The following PAPPA variants were observed in gnomAD, a reference collection of about 807,000 sequenced individuals.
The protein encoded by PAPPA is pappalysin 1.
In PAPPA, 60 loss-of-function variants were observed where a neutral mutation model predicts 164.0. The observed-to-expected ratio is 0.37, with a 90% CI of 0.30 to 0.45. PAPPA has a LOEUF of 0.45. Among genes scored for constraint, PAPPA ranks in the 20% least tolerant of loss-of-function variants. The pLI is 1.00. For missense variants in PAPPA, 1,782 were observed against 2,087.3 expected (o/e 0.85, Z 2.85); for synonymous variants, 875 against 814.1 (o/e 1.07, Z -1.27).
rs1846987613 is a variant in PAPPA, at chr9:116,397,912, C to T, written c.*1296C>T. ...GCTGTTGCTCTGAGGAGATATAATT[C>T]TGGGAGAAAGAATCTTTTATAAGAA... is the stretch of plus-strand genomic sequence containing the variant. On this transcript the variant is annotated 3_prime_UTR_variant, in exon 22 of 22. Transcript: ENST00000328252. 2 of 152,592 alleles carry T rather than the reference C, an allele frequency of 1.3e-5. No individual in the cohort carries two copies. Among genetic ancestry groups the T allele is most frequent in the South Asian group, 4.1e-4 (2 of 4,830 alleles). 9.5% of individuals were successfully genotyped at this position (152,592 alleles called of 1,614,324 possible).
chr9:116,274,948 C>T (rs1367165151), intron 9 of PAPPA, among the ~76,000 whole-genome samples: 1 of 152,136 alleles, frequency 6.6e-6, no homozygotes, highest in Non-Finnish European at 1.5e-5. Context: ...GGAGTAGCCA[C>T]ATCCATACCA....
chr9:116,383,253 C>T (rs1378017492), intron 21 of PAPPA, among the ~76,000 whole-genome samples: 5 of 152,110 alleles, frequency 3.3e-5, no homozygotes, highest in African/African-American at 9.7e-5. Flanking sequence ...AGGTGGTAAC[C>T]CTGCTAGCCT....
At chr9:116,334,797 G>A (rs1343163735) in intron 12 of PAPPA, 64 bp from the exon 13 acceptor site, 1 of 1,252,998 alleles carries the variant, frequency 8.0e-7, no homozygotes, top group Non-Finnish European at 1.2e-6. Context: ...GGGCCCGTTG[G>A]GGAGGGCGTG....
At chr9:116,388,832 G>C (rs1180589755) in intron 21 of PAPPA, among the ~76,000 whole-genome samples, 1 of 152,178 alleles carries the variant, frequency 6.6e-6, no homozygotes. Flanking sequence ...ATGCAACTAT[G>C]TGTAGGGCTG....
chr9:116,356,874 T>C (rs548802196), intron 17 of PAPPA, among the ~76,000 whole-genome samples: 3 of 152,322 alleles, frequency 2.0e-5, no homozygotes, highest in African/African-American at 4.8e-5. Flanking sequence ...GACAGTTTGA[T>C]AGGTGCAGCA....
At chr9:116,379,795 T>TAGGGGTGGCATTTTGG (rs1846703834) in intron 20 of PAPPA, among the ~76,000 whole-genome samples, 1 of 152,144 alleles carries the variant, frequency 6.6e-6, no homozygotes, top group African/African-American at 2.4e-5. Context: ...CTGAGGCTAT[T>TAGGGGTGGCATTTTGG]AGGGGTGGCA....
At chr9:116,179,826 G>C (rs1444922390) in intron 1 of PAPPA, among the ~76,000 whole-genome samples, 1 of 152,142 alleles carries the variant, frequency 6.6e-6, no homozygotes, top group Non-Finnish European at 1.5e-5. Context: ...TTCCTCTGTG[G>C]CTTTGATACT....
In PAPPA at chr9:116,362,697, A is replaced by G. The variant is rs746914214; in HGVS notation, c.4453A>G (p.Asn1485Asp). Reference sequence around the variant, plus strand: ...CCAGTGCTCGGTTCCAAACGAGCTCAACAGCAACCTCAAACTGCAGTGCCC... The same window carrying G: ...CCAGTGCTCGGTTCCAAACGAGCTCGACAGCAACCTCAAACTGCAGTGCCC... ...QGQCSVPNELNSNLKLQCPDG... is the reference protein window; with the variant it reads ...QGQCSVPNELDSNLKLQCPDG... Residue 1485 changes from asparagine (N) to aspartate (D), a missense_variant, in exon 18 of 22, where the codon AAC (asparagine) becomes GAC (aspartate). Asn to Asp is a conservative substitution (Grantham distance 23). Around this residue, in one of 2 missense-constraint regions of PAPPA, gnomAD observed 1,324 missense variants for 1,656.9 expected, o/e 0.80. Transcript: ENST00000328252. 1.2e-6 allele frequency: 2 copies of G among 1,614,040 alleles called. No homozygotes were observed. The highest frequency in any genetic ancestry group is 1.3e-5 in the African/African-American group (1 of 75,036).
chr9:116,238,102 T>TC, intron 7 of PAPPA, among the ~76,000 whole-genome samples: 1 of 152,050 alleles, frequency 6.6e-6, no homozygotes, highest in Non-Finnish European at 1.5e-5. Flanking sequence ...ATCTCCACTC[T>TC]CCCCCGAGAT....
At chr9:116,237,204 A>G (rs1844678683) in intron 7 of PAPPA, among the ~76,000 whole-genome samples, 1 of 152,262 alleles carries the variant, frequency 6.6e-6, no homozygotes, top group Non-Finnish European at 1.5e-5. Context: ...TAATGTGCAC[A>G]TCACAGGCAA....
At chr9:116,169,702 C>T (rs957849904) in intron 1 of PAPPA, among the ~76,000 whole-genome samples, 2 of 151,030 alleles carry the variant, frequency 1.3e-5, no homozygotes, top group African/African-American at 4.9e-5. Flanking sequence ...GCAATCTTCA[C>T]CTAGAATATA....
chr9:116,313,822 G>C (rs1248748720), intron 10 of PAPPA, among the ~76,000 whole-genome samples: 2 of 152,062 alleles, frequency 1.3e-5, no homozygotes, highest in Non-Finnish European at 2.9e-5. Context: ...TGGGCATTGG[G>C]TTCCCCTACT....
chr9:116,154,967 G>A lies in PAPPA; in HGVS notation c.415+380G>A, dbSNP rs896220120. On this transcript the variant is annotated intron_variant, in intron 1 of 21. Transcript: ENST00000328252. The surrounding 1 kb of genome is among the most constrained non-coding windows in gnomAD (Gnocchi z 5.2). ...CCCAATTGAGATGCATGTGAAAGGA[G>A]ACTTGGGGACCGTTGATTTCTTTGA... 3.9e-5 allele frequency among the ~76,000 whole-genome samples: 6 copies of A among 152,234 alleles called. No homozygotes were observed. Among genetic ancestry groups the A allele is most frequent in the African/African-American group, 1.4e-4 (6 of 41,476 alleles).
chr9:116,377,560 C>G lies in PAPPA; in HGVS notation c.4606-16C>G. The G allele has an allele frequency of 6.2e-7, 1 of 1,605,624 alleles. No individual in the cohort carries two copies. On this transcript the variant is annotated splice_polypyrimidine_tract_variant and intron_variant, in intron 19 of 21. Coordinates refer to ENST00000328252, the MANE Select transcript of PAPPA (RefSeq NM_002581.5). ...AATCCCAAGCCCATCTGACCTTTCT[C>G]TCCCTCTTCCCACAGAGAGTTGTCT...
At chr9:116,232,215 G>A (rs1215910912) in intron 6 of PAPPA, among the ~76,000 whole-genome samples, 1 of 152,092 alleles carries the variant, frequency 6.6e-6, no homozygotes, top group African/African-American at 2.4e-5. Context: ...CTCAGCATTT[G>A]TTGCTCTACA....
At chr9:116,172,563 A>T (rs1234351166) in intron 1 of PAPPA, among the ~76,000 whole-genome samples, 1 of 152,214 alleles carries the variant, frequency 6.6e-6, no homozygotes, top group Non-Finnish European at 1.5e-5. Context: ...CCACTGACTT[A>T]CATGGATTCT....
chr9:116,315,331 A>G (rs181230241), intron 10 of PAPPA, among the ~76,000 whole-genome samples: 8 of 152,204 alleles, frequency 5.3e-5, no homozygotes, highest in Non-Finnish European at 1.5e-5. Context: ...GTGCCTCCAT[A>G]ATCTATCCTC....
chr9:116,382,626 T>TTTTAA, intron 21 of PAPPA, 133 bp downstream of exon 21: 2 of 600,518 alleles, frequency 3.3e-6, no homozygotes, highest in Non-Finnish European at 6.0e-6. Context: ...TTATTTCTTT[T>TTTTAA]TTTAATTTTT....
chr9:116,239,877 A>G (rs1844715739), intron 7 of PAPPA, among the ~76,000 whole-genome samples: 1 of 152,168 alleles, frequency 6.6e-6, no homozygotes, highest in Non-Finnish European at 1.5e-5. Flanking sequence ...AGAGGCCACT[A>G]GTCCACAATC....
Sources: gnomAD v4.1 joint callset for allele counts (sites outside exome capture counted in the v4.1 genomes callset) on GRCh38, gnomAD v4.1.1 for gene constraint, gnomAD v4.1.1 regional missense constraint, Gnocchi (gnomAD v3.1) non-coding constraint, MANE v1.5 for transcripts, NCBI Gene and HGNC (gene_info 2026-07-23, HGNC 2026-07-21) for gene names.